CC2D2A: variants seen among roughly 807,000 people sequenced by gnomAD.
CC2D2A encodes the protein coiled-coil and C2 domain containing 2A, also known as coiled-coil and C2 domain-containing protein 2A.
Under a neutral mutation model 212.9 loss-of-function variants are expected in CC2D2A, and 155 were observed. The ratio of observed to expected loss-of-function variants is 0.73; its 90% CI spans 0.64 to 0.83. The LOEUF (loss-of-function observed/expected upper bound fraction) is 0.83. Among genes scored for constraint, CC2D2A ranks in the 40% least tolerant of loss-of-function variants. The probability of loss-of-function intolerance (pLI) is 0.00; values close to 1 mark genes in which losing one functional copy is unlikely to be tolerated. For synonymous variants in CC2D2A, 667 were observed against 686.5 expected (o/e 0.97, Z 0.44); for missense variants, 1,856 against 1,956.2 (o/e 0.95, Z 0.97).
At chr4:15,475,828 C>G in intron 1 of CC2D2A, 87 bp from the exon 2 acceptor site, 1 of 1,090,818 alleles carries the variant, frequency 9.2e-7, no homozygotes, top group South Asian at 1.3e-5. Flanking sequence ...CACTTACCAT[C>G]ATGGCCAGCC....
In CC2D2A at chr4:15,514,709, T is replaced by A; in HGVS notation, c.720T>A (p.Asp240Glu). 6.5e-7 allele frequency: 1 copy of A among 1,529,340 alleles called. No homozygotes were observed. The highest frequency in any genetic ancestry group is 8.9e-7 in the Non-Finnish European group (1 of 1,129,828). 94.7% of individuals were successfully genotyped at this position (1,529,340 alleles called of 1,614,324 possible). Residue 240 changes from aspartate to glutamate, a missense_variant and splice_region_variant, in exon 9 of 37, where the codon GAT becomes GAA. By Grantham distance (45) the Asp-to-Glu change is conservative. This residue lies in a region of CC2D2A where 1,512 missense variants were observed against 1,579.3 expected (regional missense o/e 0.96). Transcript: ENST00000424120. ...PPAQGGGKEM[D>E]EEELLNGDDA... ...TGTTACTTTTTAACATTATGCAGGA[T>A]GAGGAAGAACTGCTTAATGGTGATG...
chr4:15,486,335 C>T (rs1348827464), intron 4 of CC2D2A, among the ~76,000 whole-genome samples: 1 of 151,994 alleles, frequency 6.6e-6, no homozygotes, highest in East Asian at 1.9e-4. Context: ...TATCTCATTA[C>T]TTGTTTTTTG....
intron 3 of CC2D2A, chr4:15,479,166 A>G (rs2108970784): frequency 7.7e-7 from 1 of 1,300,204 alleles, no homozygotes; most frequent in South Asian, 1.3e-5. Context: ...ACGATTACAA[A>G]TCTTGGGAAA....
intron 17 of CC2D2A, among the ~76,000 whole-genome samples, chr4:15,546,927 T>C (rs16892140): frequency 0.27 from 41,514 of 151,990 alleles, 5,891 homozygotes; most frequent in East Asian, 0.46. Flanking sequence ...TTACTAAGTG[T>C]CTACTGCAGG....
intron 30 of CC2D2A, among the ~76,000 whole-genome samples, chr4:15,583,608 C>A (rs1266225646): frequency 6.6e-6 from 1 of 152,040 alleles, no homozygotes; most frequent in Non-Finnish European, 1.5e-5. Flanking sequence ...TTATAAGATA[C>A]CTAGGGATAA....
chr4:15,525,447 A>G (rs1689202676), intron 11 of CC2D2A, among the ~76,000 whole-genome samples: 1 of 152,246 alleles, frequency 6.6e-6, no homozygotes. Flanking sequence ...TATAAAACAC[A>G]GAGTGGTCAC....
chr4:15,505,115 T>A (rs774418480), intron 6 of CC2D2A, among the ~76,000 whole-genome samples: 7 of 152,206 alleles, frequency 4.6e-5, no homozygotes, highest in Non-Finnish European at 8.8e-5. Context: ...ACCGGGCACA[T>A]GGTCAGCCCT....
intron 11 of CC2D2A, among the ~76,000 whole-genome samples, chr4:15,518,825 G>T (rs1283416292): frequency 6.6e-6 from 1 of 152,218 alleles, no homozygotes; most frequent in African/African-American, 2.4e-5. Flanking sequence ...GGGACACAGG[G>T]CATCAAGTCC....
In CC2D2A at chr4:15,538,112, G is replaced by C. The variant is rs16892134; in HGVS notation, c.1978G>C (p.Val660Leu). Reference sequence around the variant, plus strand: ...CCCGGAGCTAAGCCTGGCAGGAAGCGTAACACCCAATGACCAGTGCCCCAG... The same window carrying C: ...CCCGGAGCTAAGCCTGGCAGGAAGCCTAACACCCAATGACCAGTGCCCCAG... Reference protein sequence around the residue: ...LVPELSLAGSVTPNDQCPRAE... With the variant: ...LVPELSLAGSLTPNDQCPRAE... The change falls in exon 16 of 37, where the codon GTA (valine) becomes CTA (leucine). Residue 660 changes from valine (V) to leucine (L), a missense_variant. Val to Leu is a conservative substitution (Grantham distance 32). Coordinates refer to ENST00000424120, the MANE Select transcript of CC2D2A (RefSeq NM_001378615.1). 3,777 of 1,595,412 alleles carry C rather than the reference G, an allele frequency of 2.4e-3. 8 individuals are homozygous for C. The highest frequency in any genetic ancestry group is 2.6e-3 in the Non-Finnish European group (3,100 of 1,170,156).
intron 17 of CC2D2A, among the ~76,000 whole-genome samples, chr4:15,544,319 G>A (rs1269819334): frequency 2.0e-5 from 3 of 152,152 alleles, no homozygotes; most frequent in African/African-American, 4.8e-5. Context: ...GGCATCAATA[G>A]TGAAGAGGTC....
intron 24 of CC2D2A, among the ~76,000 whole-genome samples, chr4:15,566,860 A>G (rs1435877478): frequency 6.6e-6 from 1 of 152,140 alleles, no homozygotes; most frequent in Non-Finnish European, 1.5e-5. Context: ...TTGTAGTCCC[A>G]GCTACTCTGG....
intron 33 of CC2D2A, among the ~76,000 whole-genome samples, chr4:15,594,957 C>T (rs186987794): frequency 5.6e-4 from 85 of 151,700 alleles, no homozygotes; most frequent in African/African-American, 2.0e-3. Flanking sequence ...CACACCACCA[C>T]GCCTGGCTAC....
intron 4 of CC2D2A, among the ~76,000 whole-genome samples, chr4:15,492,100 C>T (rs958039193): frequency 5.3e-5 from 8 of 152,196 alleles, no homozygotes; most frequent in African/African-American, 1.7e-4. Context: ...CTGTTTCTAT[C>T]AAACCAAACC....
At chr4:15,508,351 C>G in intron 6 of CC2D2A, among the ~76,000 whole-genome samples, 1 of 152,152 alleles carries the variant, frequency 6.6e-6, no homozygotes, top group Non-Finnish European at 1.5e-5. Context: ...CAGAAAAACC[C>G]TTGCCACAGG....
chr4:15,515,936 G>T lies in CC2D2A; in HGVS notation c.949G>T (p.Gly317Trp). Residue 317 changes from glycine (G) to tryptophan (W), a missense_variant, in exon 10 of 37, where the codon GGG (glycine) becomes TGG (tryptophan). Coordinates refer to ENST00000424120, the MANE Select transcript of CC2D2A (RefSeq NM_001378615.1). ...CCTGGAAGATGAAGGCCTTTACACC[G>T]GGGTAAGACCAGAGGTGGCACGCAC... is the stretch of plus-strand genomic sequence containing the variant. ...RFLEDEGLYT[G>W]VRPEVARTNQ... 6.4e-7 allele frequency: 1 copy of T among 1,568,298 alleles called. No homozygotes were observed. Among genetic ancestry groups the T allele is most frequent in the South Asian group, 1.2e-5 (1 of 84,944 alleles).
chr4:15,506,855 C>G (rs1018339707), intron 6 of CC2D2A, among the ~76,000 whole-genome samples: 1 of 151,614 alleles, frequency 6.6e-6, no homozygotes, highest in Admixed American at 6.6e-5. Flanking sequence ...GGGCGGATCA[C>G]GAGGTCAGGA....
At chr4:15,599,063 G>A (rs190762631) in intron 35 of CC2D2A, among the ~76,000 whole-genome samples, 27 of 152,232 alleles carry the variant, frequency 1.8e-4, no homozygotes, top group Non-Finnish European at 8.8e-5. Context: ...CAAAGAGGCT[G>A]AGGTGGGAGG....
intron 4 of CC2D2A, among the ~76,000 whole-genome samples, chr4:15,491,941 T>C (rs2108987394): frequency 6.6e-6 from 1 of 152,348 alleles, no homozygotes; most frequent in East Asian, 1.9e-4. Context: ...GGGTTGTATC[T>C]AAAAATTAAT....
intron 20 of CC2D2A, among the ~76,000 whole-genome samples, chr4:15,556,346 G>A (rs1372522338): frequency 6.6e-6 from 1 of 152,038 alleles, no homozygotes; most frequent in African/African-American, 2.4e-5. Flanking sequence ...ACAAACCTTG[G>A]TTTATTCTGA....
Sources: allele counts gnomAD v4.1 joint callset (sites outside exome capture counted in the v4.1 genomes callset), GRCh38; gene constraint gnomAD v4.1.1; regional missense constraint gnomAD v4.1.1; transcripts MANE v1.5; gene names NCBI Gene and HGNC (gene_info 2026-07-23, HGNC 2026-07-21).